The following PDSS1 variants were observed in gnomAD, a reference collection of about 807,000 sequenced individuals.
PDSS1 encodes all trans-polyprenyl-diphosphate synthase PDSS1.
In PDSS1, 43 loss-of-function variants were observed where a neutral mutation model predicts 57.5. The observed-to-expected ratio is 0.75, with a 90% CI of 0.59 to 0.96. The LOEUF is 0.96. Among genes scored for constraint, PDSS1 ranks in the 50% least tolerant of loss-of-function variants. PDSS1 has a pLI of 0.00. For synonymous variants in PDSS1, 175 were observed against 191.3 expected (o/e 0.91, Z 0.70); for missense variants, 438 against 527.8 (o/e 0.83, Z 1.67).
At chr10:26,704,817 G>A in intron 3 of PDSS1, 76 bp downstream of exon 3, 1 of 790,206 alleles carries the variant, frequency 1.3e-6, no homozygotes, top group Non-Finnish European at 2.2e-6. Flanking sequence ...AATTTTTTTT[G>A]TAGCGATGGG....
intron 4 of PDSS1, among the ~76,000 whole-genome samples, chr10:26,706,369 G>A (rs1207533344): frequency 1.3e-5 from 2 of 152,204 alleles, no homozygotes; most frequent in Admixed American, 1.3e-4. Flanking sequence ...AGGGGCTGTG[G>A]AGGAAGAACT....
intron 5 of PDSS1, among the ~76,000 whole-genome samples, chr10:26,718,286 G>A (rs1011405038): frequency 2.0e-5 from 3 of 151,724 alleles, no homozygotes; most frequent in Non-Finnish European, 4.4e-5. Flanking sequence ...CAAGTGATCC[G>A]CCCGCCTCAG....
chr10:26,726,977 G>A (rs987047722), intron 8 of PDSS1, among the ~76,000 whole-genome samples: 14 of 151,638 alleles, frequency 9.2e-5, no homozygotes, highest in Non-Finnish European at 1.9e-4. Flanking sequence ...CAGGAGAACC[G>A]CTTGAACCCG....
intron 8 of PDSS1, among the ~76,000 whole-genome samples, chr10:26,724,848 G>T (rs1362852695): frequency 2.0e-5 from 3 of 152,132 alleles, no homozygotes; most frequent in African/African-American, 7.2e-5. Context: ...AAAGTACTGG[G>T]ATTACAGGCA....
chr10:26,745,445 C>T (rs1240037495), intron 11 of PDSS1, among the ~76,000 whole-genome samples: 1 of 152,090 alleles, frequency 6.6e-6, no homozygotes, highest in Non-Finnish European at 1.5e-5. Flanking sequence ...AAGTAATCAA[C>T]AAAACAACTA....
chr10:26,703,467 G>T (rs1217525276), intron 2 of PDSS1, among the ~76,000 whole-genome samples: 1 of 151,934 alleles, frequency 6.6e-6, no homozygotes, highest in East Asian at 1.9e-4. Context: ...TATTACTAGA[G>T]ACCTGATAAT....
chr10:26,729,532 G>A (rs1184275829), intron 8 of PDSS1, among the ~76,000 whole-genome samples: 1 of 152,152 alleles, frequency 6.6e-6, no homozygotes, highest in Non-Finnish European at 1.5e-5. Flanking sequence ...AACAGTGAGA[G>A]ACCTGGCTCC....
chr10:26,704,006 T>G (rs2477294), intron 2 of PDSS1, among the ~76,000 whole-genome samples: 3 of 147,692 alleles, frequency 2.0e-5, no homozygotes, highest in East Asian at 2.0e-4. Context: ...GCGTGAACCC[T>G]GGGGGGCGGA....
intron 10 of PDSS1, among the ~76,000 whole-genome samples, chr10:26,735,978 C>A (rs914647300): frequency 6.6e-6 from 1 of 152,080 alleles, no homozygotes; most frequent in African/African-American, 2.4e-5. Flanking sequence ...CTCAGAGCCC[C>A]TTAAAAGGCA....
intron 8 of PDSS1, among the ~76,000 whole-genome samples, chr10:26,729,525 A>G (rs1836090471): frequency 6.6e-6 from 1 of 152,176 alleles, no homozygotes; most frequent in Admixed American, 6.5e-5. Flanking sequence ...CTTCCCAAAC[A>G]GTGAGAGACC....
At chr10:26,700,080 C>T (rs796375954) in intron 1 of PDSS1, among the ~76,000 whole-genome samples, 4 of 152,322 alleles carry the variant, frequency 2.6e-5, no homozygotes, top group African/African-American at 9.6e-5. Flanking sequence ...CTTCTGACTT[C>T]ACTAGTAGTG....
At chr10:26,701,768 C>T in intron 1 of PDSS1, 1 of 453,634 alleles carries the variant, frequency 2.2e-6, no homozygotes. Context: ...GGGGCACTGC[C>T]TAATGGAGCT....
intron 1 of PDSS1, among the ~76,000 whole-genome samples, chr10:26,700,307 C>G (rs1320727708): frequency 7.1e-6 from 1 of 140,116 alleles, no homozygotes; most frequent in Non-Finnish European, 1.6e-5. Flanking sequence ...GATTCTTACC[C>G]AGCACTTTCT....
At chr10:26,714,389 C>A (rs1393646216) in intron 5 of PDSS1, among the ~76,000 whole-genome samples, 1 of 151,154 alleles carries the variant, frequency 6.6e-6, no homozygotes, top group African/African-American at 2.4e-5. Flanking sequence ...GCAGGAGAAT[C>A]GCTTGAACCC....
At chr10:26,726,923 G>A (rs1416494995) in intron 8 of PDSS1, among the ~76,000 whole-genome samples, 2 of 152,052 alleles carry the variant, frequency 1.3e-5, no homozygotes, top group African/African-American at 2.4e-5. Flanking sequence ...TTAGCCGGGC[G>A]TGGTGGTGCA....
intron 4 of PDSS1, among the ~76,000 whole-genome samples, chr10:26,706,809 C>A (rs993718927): frequency 6.6e-6 from 1 of 152,146 alleles, no homozygotes; most frequent in Non-Finnish European, 1.5e-5. Context: ...GATGTGTTAC[C>A]AGCAGCAAAT....
At chr10:26,745,487 T>C (rs1054281416) in intron 11 of PDSS1, among the ~76,000 whole-genome samples, 2 of 152,102 alleles carry the variant, frequency 1.3e-5, no homozygotes, top group Non-Finnish European at 2.9e-5. Flanking sequence ...GGCGGCACAT[T>C]GTGGGTGGGC....
intron 8 of PDSS1, chr10:26,734,634 C>T (rs750705077): frequency 2.0e-5 from 9 of 455,036 alleles, no homozygotes; most frequent in East Asian, 6.9e-5. Context: ...AAGTTCCTTC[C>T]GATAATGAAA....
intron 1 of PDSS1, chr10:26,701,761 G>A (rs1166754847): frequency 2.2e-6 from 1 of 452,926 alleles, no homozygotes; most frequent in African/African-American, 2.0e-5. Flanking sequence ...CCCTGCTGGG[G>A]CACTGCCTAA....
Sources: allele counts gnomAD v4.1 joint callset (sites outside exome capture counted in the v4.1 genomes callset), GRCh38; gene constraint gnomAD v4.1.1; transcripts MANE v1.5; gene names NCBI Gene and HGNC (gene_info 2026-07-23, HGNC 2026-07-21).